ANKH: variants seen among roughly 807,000 people sequenced by gnomAD.
The protein encoded by ANKH is mineralization regulator ANKH.
Under a neutral mutation model 49.0 loss-of-function variants are expected in ANKH, and 15 were observed. The observed-to-expected ratio is 0.31, with a 90% CI of 0.20 to 0.47. ANKH has a LOEUF of 0.47. Ranked by LOEUF, ANKH falls within the 20% of genes least tolerant of loss-of-function variation. The pLI, the probability that ANKH is intolerant of heterozygous loss-of-function variation, is 1.00. For missense variants in ANKH, 429 were observed against 652.0 expected (o/e 0.66, Z 3.72); for synonymous variants, 273 against 260.0 (o/e 1.05, Z -0.48).
intron 1 of ANKH, among the ~76,000 whole-genome samples, chr5:14,801,109 T>C (rs1363569890): frequency 6.6e-6 from 1 of 152,234 alleles, no homozygotes; most frequent in African/African-American, 2.4e-5. Flanking sequence ...TGTGGTGGTC[T>C]GGAACCGAAG....
At chr5:14,806,707 G>A (rs1430365320) in intron 1 of ANKH, among the ~76,000 whole-genome samples, 1 of 152,142 alleles carries the variant, frequency 6.6e-6, no homozygotes, top group Non-Finnish European at 1.5e-5. Flanking sequence ...TCTATTACGT[G>A]TGATCTGTCC....
chr5:14,798,347 G>C, intron 1 of ANKH: 2 of 1,562,950 alleles, frequency 1.3e-6, no homozygotes, highest in Non-Finnish European at 1.8e-6. Context: ...TGTATTCCTT[G>C]TTGATCACTC....
chr5:14,712,977 C>A lies in ANKH; in HGVS notation c.1266-4G>T, dbSNP rs758687345. 3.1e-6 allele frequency: 5 copies of A among 1,610,734 alleles called. No individual in the cohort carries two copies. Among genetic ancestry groups the A allele is most frequent in the Non-Finnish European group, 4.2e-6 (5 of 1,178,742 alleles). On this transcript the variant is annotated splice_polypyrimidine_tract_variant and splice_region_variant and intron_variant, in intron 10 of 11. Coordinates refer to ENST00000284268, the MANE Select transcript of ANKH (RefSeq NM_054027.6). ...GCCCAGGGTCGCACCGTGCACCCTG[C>A]AGATGAGAACACAAAGGCAATTTGT...
intron 1 of ANKH, among the ~76,000 whole-genome samples, chr5:14,821,909 A>G (rs534275471): frequency 6.6e-6 from 1 of 152,366 alleles, no homozygotes; most frequent in East Asian, 1.9e-4. Flanking sequence ...CCATAAAAAT[A>G]AAGTTAAACC....
intron 1 of ANKH, among the ~76,000 whole-genome samples, chr5:14,842,524 G>A (rs1741842363): frequency 6.6e-6 from 1 of 152,150 alleles, no homozygotes. Context: ...TTGGCCTATA[G>A]GACACAGACT....
At chr5:14,859,239 T>A (rs1364565642) in intron 1 of ANKH, among the ~76,000 whole-genome samples, 1 of 152,218 alleles carries the variant, frequency 6.6e-6, no homozygotes, top group Non-Finnish European at 1.5e-5. Flanking sequence ...CTGTTCTGCA[T>A]ACCTTATATA....
chr5:14,862,742 T>G (rs535974947), intron 1 of ANKH, among the ~76,000 whole-genome samples: 1 of 152,344 alleles, frequency 6.6e-6, no homozygotes, highest in East Asian at 1.9e-4. Context: ...GCAAAGGTGT[T>G]TCACGTATGT....
At chr5:14,723,653 AAAG>A (rs1737737813) in intron 8 of ANKH, among the ~76,000 whole-genome samples, 1 of 152,204 alleles carries the variant, frequency 6.6e-6, no homozygotes, top group Non-Finnish European at 1.5e-5. Flanking sequence ...AAGGAGAAAA[AAAG>A]AAGGAAGAAG....
intron 1 of ANKH, among the ~76,000 whole-genome samples, chr5:14,809,872 A>C (rs1402063428): frequency 1.3e-5 from 2 of 152,100 alleles, no homozygotes. Flanking sequence ...TAGAGCGTGC[A>C]CTGGGCTCTC....
chr5:14,718,627 A>C (rs917315475), intron 8 of ANKH, among the ~76,000 whole-genome samples: 1 of 152,176 alleles, frequency 6.6e-6, no homozygotes, highest in African/African-American at 2.4e-5. Context: ...CCTGGCCAAC[A>C]TGGAGAAACC....
chr5:14,787,260 G>A (rs1294644092), intron 1 of ANKH, among the ~76,000 whole-genome samples: 2 of 151,826 alleles, frequency 1.3e-5, no homozygotes, highest in African/African-American at 4.8e-5. Flanking sequence ...GTTGCAGTGA[G>A]CCAAGATAGC....
intron 1 of ANKH, among the ~76,000 whole-genome samples, chr5:14,820,975 T>C (rs1224137241): frequency 6.6e-6 from 1 of 151,950 alleles, no homozygotes; most frequent in Non-Finnish European, 1.5e-5. Context: ...GGTGACACTG[T>C]AGTCCCAGCA....
chr5:14,814,744 A>T (rs1740981909), intron 1 of ANKH, among the ~76,000 whole-genome samples: 1 of 152,228 alleles, frequency 6.6e-6, no homozygotes, highest in Admixed American at 6.5e-5. Flanking sequence ...ACTCAGACTC[A>T]AGGACATACC....
At position 14,751,111 on chromosome 5, in the gene ANKH, G is replaced by C. The variant is rs907198998; in HGVS notation, c.645C>G (p.Asn215Lys). The change falls in exon 5 of 12, where the codon AAC (asparagine) becomes AAG (lysine). Residue 215 changes from asparagine (N) to lysine (K), a missense_variant. By Grantham distance (94) the Asn-to-Lys change is moderately conservative (BLOSUM62 0). Around this residue, in one of 2 missense-constraint regions of ANKH, gnomAD observed 378 missense variants for 615.3 expected, o/e 0.61. Transcript: ENST00000284268. ...CTTLCLGYYKNIHDIIPDRSG... is the reference protein window; with the variant it reads ...CTTLCLGYYKKIHDIIPDRSG... Reference sequence around the variant, plus strand: ...TTCTGTCAGGGATGATGTCGTGAATGTTCTTGTAGTAGCCCAGGCACAGGG... The same window carrying C: ...TTCTGTCAGGGATGATGTCGTGAATCTTCTTGTAGTAGCCCAGGCACAGGG... 1.2e-6 allele frequency: 2 copies of C among 1,614,138 alleles called. No homozygotes were observed. The highest frequency in any genetic ancestry group is 2.7e-5 in the African/African-American group (2 of 74,960).
intron 1 of ANKH, among the ~76,000 whole-genome samples, chr5:14,795,684 A>G (rs1284481872): frequency 6.6e-6 from 1 of 152,148 alleles, no homozygotes; most frequent in Non-Finnish European, 1.5e-5. Flanking sequence ...CCCCATTTTT[A>G]GTCTCTACTA....
intron 8 of ANKH, among the ~76,000 whole-genome samples, chr5:14,740,398 A>G (rs1439918758): frequency 6.6e-6 from 1 of 152,230 alleles, no homozygotes; most frequent in Non-Finnish European, 1.5e-5. Flanking sequence ...TGGGCACCAC[A>G]GAGAGAAATC....
chr5:14,705,604 C>G lies in ANKH; in HGVS notation c.*5593G>C, dbSNP rs886060070. Reference sequence around the variant, plus strand: ...AAGCCCTTTGATTAACTCCTTGGCCCTACTAGCTTTAGACAGTTCCCTGAT... The same window carrying G: ...AAGCCCTTTGATTAACTCCTTGGCCGTACTAGCTTTAGACAGTTCCCTGAT... On this transcript the variant is annotated 3_prime_UTR_variant, in exon 12 of 12. Coordinates refer to ENST00000284268, the MANE Select transcript of ANKH (RefSeq NM_054027.6). The G allele has an allele frequency of 3.9e-5, 6 of 152,530 alleles. No individual in the cohort carries two copies. Among genetic ancestry groups the G allele is most frequent in the Admixed American group, 3.9e-4 (6 of 15,308 alleles). 9.4% of individuals were successfully genotyped at this position (152,530 alleles called of 1,614,324 possible). A position where few individuals can be genotyped will look rare whatever the true frequency, so the allele number is the denominator to read the frequency against.
chr5:14,711,731 C>G (rs961267164), intron 11 of ANKH, among the ~76,000 whole-genome samples: 12 of 152,254 alleles, frequency 7.9e-5, no homozygotes, highest in African/African-American at 2.9e-4. Flanking sequence ...TCAGTCACCT[C>G]TGGGACAGCT....
intron 1 of ANKH, among the ~76,000 whole-genome samples, chr5:14,856,074 C>T (rs949910144): frequency 4.0e-5 from 6 of 151,768 alleles, no homozygotes; most frequent in African/African-American, 9.7e-5. Flanking sequence ...CCAGCACTTT[C>T]GGAAGCCAAA....
Sources: allele counts gnomAD v4.1 joint callset (sites outside exome capture counted in the v4.1 genomes callset), GRCh38; gene constraint gnomAD v4.1.1; regional missense constraint gnomAD v4.1.1; transcripts MANE v1.5; gene names NCBI Gene and HGNC (gene_info 2026-07-23, HGNC 2026-07-21).